SGCD: variants seen among roughly 807,000 people sequenced by gnomAD.
The protein encoded by SGCD is delta-sarcoglycan.
A neutral mutation model predicts 36.6 loss-of-function variants in SGCD; 18 were observed. The ratio of observed to expected loss-of-function variants is 0.49; its 90% CI spans 0.34 to 0.73. SGCD has a LOEUF of 0.73. SGCD is among the 30% of genes least tolerant of loss of function. SGCD has a pLI of 0.01. For synonymous variants in SGCD, 133 were observed against 130.6 expected (o/e 1.02, Z -0.12); for missense variants, 387 against 346.7 (o/e 1.12, Z -0.92).
chr5:156,642,062 T>C (rs985517848), intron 6 of SGCD, among the ~76,000 whole-genome samples: 1 of 152,184 alleles, frequency 6.6e-6, no homozygotes, highest in African/African-American at 2.4e-5. Flanking sequence ...GGTGGGGTCC[T>C]TCATGTTGGC....
At chr5:156,663,535 A>T (rs1581358219) in intron 7 of SGCD, among the ~76,000 whole-genome samples, 1 of 148,102 alleles carries the variant, frequency 6.8e-6, no homozygotes, top group South Asian at 2.1e-4. Flanking sequence ...GTAATAATTG[A>T]GCAATCCTGT....
the SGCD span, among the ~76,000 whole-genome samples, chr5:155,857,584 A>G: frequency 6.6e-6 from 1 of 152,300 alleles, no homozygotes; most frequent in South Asian, 2.1e-4. Context: ...TAATTCTAGA[A>G]ACTGCAATTA....
At chr5:156,451,992 G>C (rs1754040477) in intron 3 of SGCD, among the ~76,000 whole-genome samples, 1 of 152,114 alleles carries the variant, frequency 6.6e-6, no homozygotes, top group South Asian at 2.1e-4. Flanking sequence ...TTACAGGAGA[G>C]AAAACTGAGG....
chr5:156,381,357 C>T (rs1335538515), intron 3 of SGCD, among the ~76,000 whole-genome samples: 1 of 151,888 alleles, frequency 6.6e-6, no homozygotes, highest in Non-Finnish European at 1.5e-5. Context: ...TCTGCGAATC[C>T]TAATCAAGTT....
intron 4 of SGCD, among the ~76,000 whole-genome samples, chr5:156,549,034 C>T (rs1280004921): frequency 6.6e-6 from 1 of 151,856 alleles, no homozygotes; most frequent in African/African-American, 2.4e-5. Context: ...TTATGTCTCC[C>T]CTCCCACCAC....
intron 1 of SGCD, among the ~76,000 whole-genome samples, chr5:155,962,265 T>C (rs990242273): frequency 6.6e-6 from 1 of 152,106 alleles, no homozygotes; most frequent in Non-Finnish European, 1.5e-5. Flanking sequence ...AATCATTCTA[T>C]CAGGTGTCTG....
intron 1 of SGCD, among the ~76,000 whole-genome samples, chr5:155,932,501 AT>A (rs1194942915): frequency 6.6e-6 from 1 of 152,166 alleles, no homozygotes; most frequent in Non-Finnish European, 1.5e-5. Context: ...ATGTGACAAA[AT>A]TTCATGTATT....
At chr5:156,571,889 G>A (rs762324528) in intron 4 of SGCD, among the ~76,000 whole-genome samples, 1 of 152,074 alleles carries the variant, frequency 6.6e-6, no homozygotes, top group Non-Finnish European at 1.5e-5. Context: ...AAACAGAAAC[G>A]CCATATCCAT....
chr5:155,788,935 G>T, the SGCD span, among the ~76,000 whole-genome samples: 1 of 152,102 alleles, frequency 6.6e-6, no homozygotes, highest in Non-Finnish European at 1.5e-5. Flanking sequence ...TACCTGGCAT[G>T]GTCAAGGAAT....
At chr5:155,845,836 C>T in the SGCD span, among the ~76,000 whole-genome samples, 1 of 152,158 alleles carries the variant, frequency 6.6e-6, no homozygotes, top group Admixed American at 6.6e-5. Context: ...TCACAGAGGA[C>T]CAGGACAGAA....
chr5:155,745,206 C>G, the SGCD span, among the ~76,000 whole-genome samples: 1 of 151,972 alleles, frequency 6.6e-6, no homozygotes, highest in South Asian at 2.1e-4. Context: ...ACTGCACTTA[C>G]AAAAGAAAAT....
At chr5:155,960,475 C>T (rs1336435031) in intron 1 of SGCD, among the ~76,000 whole-genome samples, 2 of 152,116 alleles carry the variant, frequency 1.3e-5, no homozygotes, top group East Asian at 3.9e-4. Flanking sequence ...GGTCCAATTT[C>T]ATGGTCCCCT....
chr5:155,818,100 T>C, the SGCD span, among the ~76,000 whole-genome samples: 6 of 152,308 alleles, frequency 3.9e-5, no homozygotes, highest in East Asian at 1.2e-3. Context: ...CAGGTTATGA[T>C]TTAGAAAGCT....
chr5:156,096,029 T>C (rs767542328), intron 1 of SGCD, among the ~76,000 whole-genome samples: 5 of 152,158 alleles, frequency 3.3e-5, no homozygotes, highest in South Asian at 2.1e-4. Flanking sequence ...CAGTGAAACA[T>C]AGAAGGCAGC....
At chr5:156,451,016 T>A (rs1041408945) in intron 3 of SGCD, among the ~76,000 whole-genome samples, 1 of 152,052 alleles carries the variant, frequency 6.6e-6, no homozygotes, top group African/African-American at 2.4e-5. Context: ...GGACAGTCCA[T>A]GTACTTTCTT....
chr5:156,047,544 C>T (rs982133546), intron 1 of SGCD, among the ~76,000 whole-genome samples: 4 of 152,084 alleles, frequency 2.6e-5, no homozygotes, highest in Non-Finnish European at 5.9e-5. Flanking sequence ...ATCTACTCTG[C>T]CTATGCCCTA....
chr5:156,710,021 C>A (rs1293053215), intron 7 of SGCD, among the ~76,000 whole-genome samples: 1 of 152,044 alleles, frequency 6.6e-6, no homozygotes, highest in Non-Finnish European at 1.5e-5. Flanking sequence ...CCTTGTTTAG[C>A]ATTGCAGCTG....
At chr5:156,622,287 G>A (rs1046144044) in intron 6 of SGCD, among the ~76,000 whole-genome samples, 1 of 151,836 alleles carries the variant, frequency 6.6e-6, no homozygotes, top group Admixed American at 6.6e-5. Context: ...ACAAAAATTA[G>A]TGTGGCATGG....
the SGCD span, among the ~76,000 whole-genome samples, chr5:155,784,191 G>T: frequency 1.3e-5 from 2 of 152,130 alleles, no homozygotes; most frequent in African/African-American, 4.8e-5. Flanking sequence ...GGCCTTGAGG[G>T]TTACAGTGTT....
Sources: allele counts gnomAD v4.1 joint callset (sites outside exome capture counted in the v4.1 genomes callset), GRCh38; gene constraint gnomAD v4.1.1; transcripts MANE v1.5; gene names NCBI Gene and HGNC (gene_info 2026-07-23, HGNC 2026-07-21).